Variants in DPP10 observed in about 807,000 individuals in gnomAD.
DPP10 encodes the protein inactive dipeptidyl peptidase 10.
A neutral mutation model predicts 120.9 loss-of-function variants in DPP10; 33 were observed. That is an observed-to-expected ratio of 0.27 (90% CI 0.21 to 0.37). The LOEUF (loss-of-function observed/expected upper bound fraction) is 0.37. DPP10 is among the 10% of genes least tolerant of loss of function. DPP10 has a pLI of 1.00. For synonymous variants in DPP10, 337 were observed against 326.1 expected (o/e 1.03, Z -0.36); for missense variants, 816 against 942.8 (o/e 0.87, Z 1.76).
At chr2:115,608,982 G>A (rs1212960205) in intron 5 of DPP10, among the ~76,000 whole-genome samples, 1 of 151,424 alleles carries the variant, frequency 6.6e-6, no homozygotes, top group African/African-American at 2.4e-5. Context: ...CAAATTCCAG[G>A]AAGAAAGAAC....
intron 5 of DPP10, among the ~76,000 whole-genome samples, chr2:115,601,849 T>G (rs1424823130): frequency 1.3e-5 from 2 of 151,814 alleles, no homozygotes; most frequent in Non-Finnish European, 2.9e-5. Context: ...ATTTTTTTTT[T>G]TTTTTTGTAC....
intron 5 of DPP10, among the ~76,000 whole-genome samples, chr2:115,650,842 A>C (rs1050221338): frequency 6.6e-6 from 1 of 151,970 alleles, no homozygotes; most frequent in African/African-American, 2.4e-5. Context: ...AGGGATGAAA[A>C]GAGGAGGCCC....
chr2:114,906,037 C>T (rs1362777833), intron 1 of DPP10, among the ~76,000 whole-genome samples: 1 of 151,822 alleles, frequency 6.6e-6, no homozygotes, highest in African/African-American at 2.4e-5. Context: ...ATTTTATTTT[C>T]TTGCCTAATT....
chr2:115,504,579 T>A (rs558840185), intron 4 of DPP10, among the ~76,000 whole-genome samples: 3 of 152,240 alleles, frequency 2.0e-5, no homozygotes, highest in African/African-American at 7.2e-5. Flanking sequence ...GTTTACATTA[T>A]TTAGGTAATA....
At chr2:114,594,629 A>C (rs560773345) in intron 1 of DPP10, among the ~76,000 whole-genome samples, 31 of 137,240 alleles carry the variant, frequency 2.3e-4, no homozygotes, top group Admixed American at 1.2e-3. Context: ...ATGCACATAT[A>C]TATATCCTCT....
chr2:115,046,077 A>C (rs1292824449), intron 1 of DPP10, among the ~76,000 whole-genome samples: 1 of 152,074 alleles, frequency 6.6e-6, no homozygotes, highest in Non-Finnish European at 1.5e-5. Flanking sequence ...GGTAATTTTG[A>C]ATTGACCAGC....
chr2:115,046,247 GCAATGA>G lies in DPP10; in HGVS notation c.61-262980_61-262975del, dbSNP rs1194866440. The stretch of plus-strand genomic sequence containing the variant: ...TTGTTTTAGAGCAATGACCATGTCA[GCAATGA>G]CAATGACAATGTAGCAATGACAAGG... On this transcript the variant is annotated intron_variant, in intron 1 of 25. Transcript: ENST00000410059. Among the ~76,000 whole-genome samples the G allele has an allele frequency of 3.9e-5, 6 of 152,148 alleles. No individual in the cohort carries two copies. The East Asian group carries it at 1.2e-3, about 29-fold the overall frequency.
At chr2:115,406,529 C>T (rs1435804367) in intron 3 of DPP10, among the ~76,000 whole-genome samples, 1 of 152,046 alleles carries the variant, frequency 6.6e-6, no homozygotes, top group African/African-American at 2.4e-5. Flanking sequence ...TGACTATGTG[C>T]TGTCTATAAG....
At position 115,575,284 on chromosome 2, in the gene DPP10, T is replaced by G. The variant is rs182486527; in HGVS notation, c.441+49312T>G. On this transcript the variant is annotated intron_variant, in intron 5 of 25. Transcript: ENST00000410059. ...CATACTTTACTATATTTAGTTTTGA[T>G]TCATTGGATAAAATATATCTTTAAA... Among the ~76,000 whole-genome samples the G allele has an allele frequency of 9.4e-4, 143 of 152,316 alleles. 1 individual carries two copies. Among genetic ancestry groups the G allele is most frequent in the Admixed American group, 1.7e-3 (26 of 15,302 alleles).
intron 3 of DPP10, among the ~76,000 whole-genome samples, chr2:115,360,202 T>C (rs892541451): frequency 6.6e-6 from 1 of 152,220 alleles, no homozygotes; most frequent in Non-Finnish European, 1.5e-5. Flanking sequence ...CCAAAGTCCT[T>C]GCACTGATTC....
At chr2:114,555,776 T>C (rs1435036858) in intron 1 of DPP10, among the ~76,000 whole-genome samples, 7 of 152,192 alleles carry the variant, frequency 4.6e-5, no homozygotes, top group Non-Finnish European at 1.5e-5. Flanking sequence ...ATCATTCTTA[T>C]TGCTTTATTG....
At chr2:114,616,436 T>G (rs1014966289) in intron 1 of DPP10, among the ~76,000 whole-genome samples, 1 of 152,040 alleles carries the variant, frequency 6.6e-6, no homozygotes, top group African/African-American at 2.4e-5. Context: ...TTCAAGTAGC[T>G]TTGCTCCTTG....
chr2:115,446,797 G>A (rs921529223), intron 3 of DPP10, among the ~76,000 whole-genome samples: 2 of 152,198 alleles, frequency 1.3e-5, no homozygotes, highest in Middle Eastern at 3.4e-3. Context: ...GAAGTTTGGC[G>A]ATTACCAACA....
At chr2:115,008,048 G>C (rs1450724479) in intron 1 of DPP10, among the ~76,000 whole-genome samples, 1 of 148,884 alleles carries the variant, frequency 6.7e-6, no homozygotes, top group Non-Finnish European at 1.5e-5. Flanking sequence ...AGCTACCAAT[G>C]CCTTTCTTCA....
intron 1 of DPP10, among the ~76,000 whole-genome samples, chr2:115,028,162 CT>C (rs1342155885): frequency 6.6e-6 from 1 of 151,744 alleles, no homozygotes; most frequent in Non-Finnish European, 1.5e-5. Context: ...TTTATTATTG[CT>C]TTGTCAGTTC....
At chr2:114,911,504 G>A (rs968182642) in intron 1 of DPP10, among the ~76,000 whole-genome samples, 3 of 152,132 alleles carry the variant, frequency 2.0e-5, no homozygotes, top group Non-Finnish European at 4.4e-5. Context: ...TCATTGCAAG[G>A]TTCATAAGCT....
chr2:115,334,375 G>T (rs2062991129), intron 2 of DPP10, among the ~76,000 whole-genome samples: 2 of 151,404 alleles, frequency 1.3e-5, no homozygotes, highest in African/African-American at 2.4e-5. Flanking sequence ...TAAAACAGAT[G>T]TAGTGTATTT....
At chr2:114,680,105 A>G (rs544840708) in intron 1 of DPP10, among the ~76,000 whole-genome samples, 5 of 152,118 alleles carry the variant, frequency 3.3e-5, no homozygotes, top group South Asian at 2.1e-4. Flanking sequence ...AGGCTTATCT[A>G]TTTCAGTAAA....
intron 1 of DPP10, among the ~76,000 whole-genome samples, chr2:114,511,657 G>A (rs10200818): frequency 0.11 from 16,683 of 152,178 alleles, 2,327 homozygotes; most frequent in African/African-American, 0.33. Context: ...AATCAAACTC[G>A]ATTATTTGTA....
Sources: gnomAD v4.1 joint callset for allele counts (sites outside exome capture counted in the v4.1 genomes callset) on GRCh38, gnomAD v4.1.1 for gene constraint, MANE v1.5 for transcripts, NCBI Gene and HGNC (gene_info 2026-07-23, HGNC 2026-07-21) for gene names.